The following AGTR1 variants were observed in gnomAD, a reference collection of about 807,000 sequenced individuals.
The protein encoded by AGTR1 is angiotensin II receptor type 1, also known as type-1 angiotensin II receptor.
A neutral mutation model predicts 19.4 loss-of-function variants in AGTR1; 16 were observed. The observed-to-expected ratio is 0.82, with a 90% CI of 0.56 to 1.25. AGTR1 has a LOEUF of 1.25. AGTR1 is among the 50% of genes most tolerant of loss of function. The pLI is 0.00. For synonymous variants in AGTR1, 153 were observed against 154.9 expected (o/e 0.99, Z 0.09); for missense variants, 373 against 431.9 (o/e 0.86, Z 1.21).
rs12721263 is a variant in AGTR1 at position 148,716,610 on chromosome 3, A to T, written c.-48+8583A>T. ...AAACAAGAAGTTTTCATTCCTAATT[A>T]AAAAAAATAAGCTAGTTCATCACAA... On this transcript the variant is annotated intron_variant, in intron 2 of 2. Transcript: ENST00000349243. This position sits in a 1 kb window ranked among gnomAD's most constrained non-coding sequence, Gnocchi z 4.7. 0.015 allele frequency among the ~76,000 whole-genome samples: 2,213 copies of T among 152,098 alleles called. 62 individuals are homozygous for T. The highest frequency in any genetic ancestry group is 0.05 in the African/African-American group (2,088 of 41,494).
rs2107974390 is a variant in AGTR1, at chr3:148,741,308, A to G, written c.273A>G (p.Glu91=). The change falls in exon 3 of 3, where the codon GAA becomes GAG. Residue 91 remains glutamate, a synonymous_variant. Transcript: ENST00000349243. ...TATGGGCTGTCTACACAGCTATGGA[A>G]TACCGCTGGCCCTTTGGCAATTACC... ...LPLWAVYTAM[E]YRWPFGNYLC... is the part of the protein sequence containing the mutation. 6.2e-7 allele frequency: 1 copy of G among 1,611,788 alleles called. No homozygotes were observed. Among genetic ancestry groups the G allele is most frequent in the South Asian group, 1.1e-5 (1 of 91,084 alleles).
intron 2 of AGTR1, chr3:148,739,679 G>T: frequency 2.1e-6 from 2 of 937,236 alleles, no homozygotes; most frequent in Non-Finnish European, 2.8e-6. Context: ...CCCTTGCACA[G>T]CATCCCTTTG....
rs75891709 is a variant in AGTR1, at chr3:148,716,043, C to T, written c.-48+8016C>T. ...GCAACAGTGGCACTTACCCCCAAAC[C>T]GTATCCTATGGAAATGCCTTTTTAG... On this transcript the variant is annotated intron_variant, in intron 2 of 2. Transcript: ENST00000349243. The surrounding 1 kb of genome is among the most constrained non-coding windows in gnomAD (Gnocchi z 4.7). Among the ~76,000 whole-genome samples the T allele has an allele frequency of 4.7e-3, 711 of 152,280 alleles. 10 individuals are homozygous for T. The highest frequency in any genetic ancestry group is 0.017 in the African/African-American group (693 of 41,560).
chr3:148,731,056 A>G (rs1576536230), intron 2 of AGTR1: 1 of 152,252 alleles, frequency 6.6e-6, no homozygotes, highest in Non-Finnish European at 1.5e-5. Context: ...ACATGTTGAA[A>G]TGACAATAGT....
chr3:148,704,053 G>A (rs1460592515), intron 1 of AGTR1, among the ~76,000 whole-genome samples: 1 of 151,944 alleles, frequency 6.6e-6, no homozygotes, highest in East Asian at 1.9e-4. Flanking sequence ...AATAGTAGAT[G>A]ACATACTTTT....
chr3:148,730,228 C>G, intron 2 of AGTR1: 1 of 398,496 alleles, frequency 2.5e-6, no homozygotes, highest in Non-Finnish European at 4.4e-6. Flanking sequence ...GGCTCCACAG[C>G]TCAGAGGAGG....
chr3:148,741,252 G>C lies in AGTR1; in HGVS notation c.217G>C (p.Ala73Pro). 1.2e-6 allele frequency: 2 copies of C among 1,613,836 alleles called. No individual in the cohort carries two copies. Among genetic ancestry groups the C allele is most frequent in the South Asian group, 2.2e-5 (2 of 91,082 alleles). Residue 73 changes from alanine to proline, a missense_variant, in exon 3 of 3, where the codon GCT (alanine) becomes CCT (proline). Ala to Pro is a conservative substitution (Grantham distance 27). Transcript: ENST00000349243. ...ASVFLLNLAL[A>P]DLCFLLTLPL... The stretch of plus-strand genomic sequence containing the variant: ...TGTTTTTCTTTTGAATTTAGCACTG[G>C]CTGACTTATGCTTTTTACTGACTTT...
At chr3:148,737,308 C>T (rs2085852497) in intron 2 of AGTR1, among the ~76,000 whole-genome samples, 1 of 152,052 alleles carries the variant, frequency 6.6e-6, no homozygotes, top group African/African-American at 2.4e-5. Flanking sequence ...GGGCAAAGTT[C>T]AAGTGATGAC....
At chr3:148,723,743 G>A (rs1331523280) in intron 2 of AGTR1, among the ~76,000 whole-genome samples, 1 of 152,218 alleles carries the variant, frequency 6.6e-6, no homozygotes, top group Non-Finnish European at 1.5e-5. Context: ...AGCTGGCTGT[G>A]TGAGATCAAG....
intron 1 of AGTR1, among the ~76,000 whole-genome samples, chr3:148,699,652 C>T (rs984889727): frequency 2.0e-5 from 3 of 152,158 alleles, no homozygotes; most frequent in Admixed American, 6.6e-5. Context: ...TGATATAATT[C>T]CTTAATTTCT....
intron 2 of AGTR1, among the ~76,000 whole-genome samples, chr3:148,721,516 GT>G (rs943303938): frequency 2.0e-5 from 3 of 152,172 alleles, no homozygotes; most frequent in African/African-American, 4.8e-5. Flanking sequence ...TGAAACAATG[GT>G]TTTCAAGAGA....
intron 2 of AGTR1, among the ~76,000 whole-genome samples, chr3:148,723,335 T>G (rs1713752400): frequency 6.6e-6 from 1 of 152,200 alleles, no homozygotes; most frequent in South Asian, 2.1e-4. Context: ...AATAAATATT[T>G]TCAGTATTTA....
At chr3:148,717,301 C>CA (rs575940441) in intron 2 of AGTR1, among the ~76,000 whole-genome samples, 99 of 150,630 alleles carry the variant, frequency 6.6e-4, no homozygotes, top group South Asian at 4.6e-3. Flanking sequence ...TTTAATCCAA[C>CA]AAAAAAAAAT....
At chr3:148,719,627 C>T (rs1713508374) in intron 2 of AGTR1, among the ~76,000 whole-genome samples, 1 of 152,176 alleles carries the variant, frequency 6.6e-6, no homozygotes, top group African/African-American at 2.4e-5. Context: ...GTGAGCTCAG[C>T]GATTGGATGG....
chr3:148,732,982 C>T (rs1424005413), intron 2 of AGTR1, among the ~76,000 whole-genome samples: 1 of 151,636 alleles, frequency 6.6e-6, no homozygotes, highest in Non-Finnish European at 1.5e-5. Context: ...CCTCGTGATC[C>T]GCCCGCCTCG....
chr3:148,725,196 G>C (rs932470678), intron 2 of AGTR1, among the ~76,000 whole-genome samples: 2 of 152,142 alleles, frequency 1.3e-5, no homozygotes, highest in African/African-American at 2.4e-5. Context: ...TTTGAAGGAA[G>C]TTTCTGTCAT....
At chr3:148,731,237 C>G (rs1298805564) in intron 2 of AGTR1, 1 of 152,058 alleles carries the variant, frequency 6.6e-6, no homozygotes, top group Non-Finnish European at 1.5e-5. Flanking sequence ...TAGTGAACTA[C>G]AGAAAATTCA....
At chr3:148,726,529 A>G (rs1713953966) in intron 2 of AGTR1, among the ~76,000 whole-genome samples, 1 of 152,170 alleles carries the variant, frequency 6.6e-6, no homozygotes, top group African/African-American at 2.4e-5. Flanking sequence ...ATTTATGTTC[A>G]TCACCTTCTT....
rs75367686 is a variant in AGTR1 at position 148,730,277 on chromosome 3, A to G, written c.-47-10712A>G. On this transcript the variant is annotated intron_variant, in intron 2 of 2. Transcript: ENST00000349243. ...TAATTCAGAACTTTTGGCTCCCATC[A>G]CTATGCTCTTCCCACTGTCTTAACT... The G allele has an allele frequency of 1.3e-3, 534 of 398,192 alleles. 7 individuals are homozygous for G. The East Asian group carries it at 0.016, about 12-fold the overall frequency. The allele number at this position is 398,192 out of a possible 1,614,324, so 24.7% of individuals were successfully genotyped here. A position where few individuals can be genotyped will look rare whatever the true frequency, so the allele number is the denominator to read the frequency against.
Sources: allele counts gnomAD v4.1 joint callset (sites outside exome capture counted in the v4.1 genomes callset), GRCh38; gene constraint gnomAD v4.1.1; non-coding constraint Gnocchi (gnomAD v3.1); transcripts MANE v1.5; gene names NCBI Gene and HGNC (gene_info 2026-07-23, HGNC 2026-07-21).